The following CDC42BPB variants were observed in gnomAD, a reference collection of about 807,000 sequenced individuals.
CDC42BPB encodes CDC42 binding protein kinase beta.
Under a neutral mutation model 214.9 loss-of-function variants are expected in CDC42BPB, and 37 were observed. That is an observed-to-expected ratio of 0.17 (90% CI 0.13 to 0.23). The LOEUF is 0.23. CDC42BPB is among the 10% of genes least tolerant of loss of function. The probability of loss-of-function intolerance (pLI) is 1.00; values close to 1 mark genes in which losing one functional copy is unlikely to be tolerated. For synonymous variants in CDC42BPB, 931 were observed against 884.0 expected, an observed-to-expected ratio of 1.05 and a Z score of -0.94; for missense variants, 1,694 against 2,227.0, an observed-to-expected ratio of 0.76 and a Z score of 4.82.
rs759201646 is a variant in CDC42BPB at position 102,950,558 on chromosome 14, G to C, written c.3217C>G (p.Gln1073Glu). The part of the protein sequence containing the change: ...CHVSCKDGAP[Q>E]VCPIPPEQSK... ...TGCTCGGGAGGTATTGGGCACACCT[G>C]GGGGGCACCGTCTTTGCAGGACACG... The change falls in exon 25 of 37, where the codon CAG becomes GAG. Residue 1073 changes from glutamine (Q) to glutamate (E), a missense_variant. Physicochemically the swap from Gln to Glu is conservative, Grantham distance 29. Around this residue, in one of 7 missense-constraint regions of CDC42BPB, gnomAD observed 567 missense variants for 790.3 expected, o/e 0.72. Coordinates refer to ENST00000361246, the MANE Select transcript of CDC42BPB (RefSeq NM_006035.4). The C allele has an allele frequency of 6.2e-7, 1 of 1,607,984 alleles. No individual in the cohort carries two copies. The highest frequency in any genetic ancestry group is 1.3e-5 in the African/African-American group (1 of 74,704).
At position 102,975,747 on chromosome 14, in the gene CDC42BPB, T is replaced by G; in HGVS notation, c.1444A>C (p.Asn482His). Residue 482 changes from asparagine to histidine, a missense_variant, in exon 11 of 37, where the codon AAC becomes CAC. Coordinates refer to ENST00000361246, the MANE Select transcript of CDC42BPB (RefSeq NM_006035.4). Reference protein sequence around the residue: ...HGSSRALSNSNRDKEIKKLNE... With the variant: ...HGSSRALSNSHRDKEIKKLNE... ...AGCTTTTTGATTTCTTTATCTCGGT[T>G]TGAATTGCTGAGGGCCCGAGATGAG... 5 of 1,614,146 alleles carry G rather than the reference T, an allele frequency of 3.1e-6. No homozygotes were observed. The highest frequency in any genetic ancestry group is 3.4e-6 in the Non-Finnish European group (4 of 1,179,956).
intron 8 of CDC42BPB, among the ~76,000 whole-genome samples, chr14:102,979,403 G>A (rs1893899853): frequency 6.6e-6 from 1 of 152,014 alleles, no homozygotes; most frequent in Non-Finnish European, 1.5e-5. Flanking sequence ...GTAGAGACGG[G>A]GTTTCACCAT....
chr14:102,942,268 C>T (rs777291731), intron 30 of CDC42BPB, among the ~76,000 whole-genome samples: 6 of 152,146 alleles, frequency 3.9e-5, no homozygotes, highest in African/African-American at 4.8e-5. Flanking sequence ...GGGATGGAGC[C>T]GGGACACACT....
chr14:102,999,792 T>C, intron 4 of CDC42BPB, 79 bp from the exon 5 acceptor site: 1 of 1,562,388 alleles, frequency 6.4e-7, no homozygotes, highest in Non-Finnish European at 8.7e-7. Flanking sequence ...CAGTCTTCCA[T>C]GGCGAGGTTC....
intron 5 of CDC42BPB, among the ~76,000 whole-genome samples, chr14:102,993,608 G>T (rs1397409675): frequency 1.3e-5 from 2 of 152,130 alleles, no homozygotes; most frequent in Admixed American, 6.5e-5. Flanking sequence ...AGCAGACCCA[G>T]CCCTTCCCCT....
chr14:102,963,233 G>C, intron 19 of CDC42BPB, 78 bp from the exon 20 acceptor site: 1 of 1,518,088 alleles, frequency 6.6e-7, no homozygotes, highest in Non-Finnish European at 8.8e-7. Context: ...GTCAGGATGA[G>C]AGAGCCGGGA....
intron 1 of CDC42BPB, among the ~76,000 whole-genome samples, chr14:103,027,334 T>C (rs761199227): frequency 9.2e-5 from 14 of 152,110 alleles, no homozygotes; most frequent in Non-Finnish European, 1.5e-4. Context: ...ACAGGAGAAA[T>C]CAAAGCATGT....
At chr14:102,972,691 A>C (rs1893536283) in intron 12 of CDC42BPB, among the ~76,000 whole-genome samples, 1 of 4,594 alleles carries the variant, frequency 2.2e-4, no homozygotes, top group Non-Finnish European at 1.5e-3. Flanking sequence ...TCTGCCTCAA[A>C]AAAAAAAAAA....
intron 1 of CDC42BPB, among the ~76,000 whole-genome samples, chr14:103,016,344 G>A (rs1886458678): frequency 6.6e-6 from 1 of 152,330 alleles, no homozygotes; most frequent in African/African-American, 2.4e-5. Flanking sequence ...TCGTCCTCCC[G>A]CCTCCCAGCC....
chr14:103,031,011 T>C (rs1017921096), intron 1 of CDC42BPB, among the ~76,000 whole-genome samples: 3 of 151,986 alleles, frequency 2.0e-5, no homozygotes, highest in East Asian at 1.9e-4. Flanking sequence ...AGTGTTCAGA[T>C]TGGCTGCCAG....
chr14:103,053,881 C>T (rs1410923249), intron 1 of CDC42BPB, among the ~76,000 whole-genome samples: 1 of 151,696 alleles, frequency 6.6e-6, no homozygotes, highest in Non-Finnish European at 1.5e-5. Context: ...CACTCTGTTG[C>T]CCAGGCTGGA....
chr14:103,044,791 G>A (rs1395092022), intron 1 of CDC42BPB, among the ~76,000 whole-genome samples: 1 of 151,554 alleles, frequency 6.6e-6, no homozygotes, highest in Non-Finnish European at 1.5e-5. Flanking sequence ...GATTGCAGGC[G>A]TGAGCCACCG....
intron 1 of CDC42BPB, among the ~76,000 whole-genome samples, chr14:103,046,843 G>A (rs139554620): frequency 8.0e-5 from 12 of 150,322 alleles, no homozygotes; most frequent in African/African-American, 2.7e-4. Flanking sequence ...TAGTACAGAC[G>A]GGGTTTTGCC....
chr14:103,057,423 C>G lies in CDC42BPB; in HGVS notation c.-250G>C. ...CCTCCCCTCGGCGCCGCCGCCCTCC[C>G]AGCTCGGGCGGCCCGCCCCCGCCGC... On this transcript the variant is annotated 5_prime_UTR_variant, in exon 1 of 37. Coordinates refer to ENST00000361246, the MANE Select transcript of CDC42BPB (RefSeq NM_006035.4). 1 of 675,722 alleles carries G rather than the reference C, an allele frequency of 1.5e-6. No individual in the cohort carries two copies. Among genetic ancestry groups the G allele is most frequent in the South Asian group, 6.2e-5 (1 of 16,166 alleles). 41.9% of individuals were successfully genotyped at this position (675,722 alleles called of 1,614,324 possible).
intron 22 of CDC42BPB, 81 bp from the exon 23 acceptor site, chr14:102,954,356 C>T: frequency 6.9e-7 from 1 of 1,449,434 alleles, no homozygotes; most frequent in Non-Finnish European, 9.1e-7. Context: ...GCACTTCTCT[C>T]AAGAATGTGT....
chr14:102,990,244 A>C lies in CDC42BPB; in HGVS notation c.597-3664T>G, dbSNP rs541424044. Reference sequence around the variant, plus strand: ...AACACTGAAGGGGGAGATGGGGTTAAAACAAAACAAAACAAAACAAAACAA... The same window carrying C: ...AACACTGAAGGGGGAGATGGGGTTACAACAAAACAAAACAAAACAAAACAA... On this transcript the variant is annotated intron_variant, in intron 5 of 36. Transcript: ENST00000361246. 2.0e-5 allele frequency among the ~76,000 whole-genome samples: 3 copies of C among 151,798 alleles called. No individual in the cohort carries two copies. In the South Asian group the frequency reaches 6.2e-4, roughly 31 times the overall value.
chr14:102,972,592 G>A (rs1305795800), intron 12 of CDC42BPB, among the ~76,000 whole-genome samples: 1 of 151,594 alleles, frequency 6.6e-6, no homozygotes, highest in African/African-American at 2.4e-5. Flanking sequence ...GGGAAGCTGA[G>A]GCAGGAGAAC....
chr14:103,007,323 T>A (rs1885890390), intron 3 of CDC42BPB, among the ~76,000 whole-genome samples: 1 of 152,086 alleles, frequency 6.6e-6, no homozygotes, highest in South Asian at 2.1e-4. Flanking sequence ...CCAGAATGAC[T>A]GAGTCACGAG....
At chr14:102,952,428 C>A in intron 24 of CDC42BPB, 70 bp downstream of exon 24, 2 of 945,698 alleles carry the variant, frequency 2.1e-6, no homozygotes, top group South Asian at 2.8e-5. Context: ...GCCCTGGAGC[C>A]GGCTGGTGCC....
Sources: allele counts gnomAD v4.1 joint callset (sites outside exome capture counted in the v4.1 genomes callset), GRCh38; gene constraint gnomAD v4.1.1; regional missense constraint gnomAD v4.1.1; transcripts MANE v1.5; gene names NCBI Gene and HGNC (gene_info 2026-07-23, HGNC 2026-07-21).